The following NTRK2 variants were observed in gnomAD, a reference collection of about 807,000 sequenced individuals.
NTRK2 encodes the protein neurotrophic receptor tyrosine kinase 2, also known as BDNF/NT-3 growth factors receptor.
NTRK2 carries 13 observed loss-of-function variants against 94.5 expected under a neutral mutation model. The ratio of observed to expected loss-of-function variants is 0.14; its 90% confidence interval spans 0.09 to 0.22. The LOEUF is 0.22. Ranked by LOEUF, NTRK2 falls within the 10% of genes least tolerant of loss-of-function variation. The probability of loss-of-function intolerance (pLI) is 1.00; values close to 1 mark genes in which losing one functional copy is unlikely to be tolerated. For synonymous variants in NTRK2, 372 were observed against 407.4 expected, an observed-to-expected ratio of 0.91 and a Z score of 1.05; for missense variants, 639 against 1,071.2, an observed-to-expected ratio of 0.60 and a Z score of 5.63.
At chr9:84,904,323 T>C (rs1401638916) in intron 14 of NTRK2, among the ~76,000 whole-genome samples, 1 of 152,238 alleles carries the variant, frequency 6.6e-6, no homozygotes, top group Admixed American at 6.5e-5. Context: ...TGAATTTTAA[T>C]AAGGCAAGTT....
intron 12 of NTRK2, among the ~76,000 whole-genome samples, chr9:84,856,006 G>A (rs1476239101): frequency 3.3e-5 from 5 of 152,292 alleles, no homozygotes; most frequent in East Asian, 1.9e-4. Context: ...GGGAAATATC[G>A]TGTAGCTATT....
intron 17 of NTRK2, among the ~76,000 whole-genome samples, chr9:84,995,069 T>C (rs1829575612): frequency 6.6e-6 from 1 of 152,184 alleles, no homozygotes; most frequent in African/African-American, 2.4e-5. Context: ...GAACTAAAAA[T>C]TCCATGTGAG....
chr9:84,785,982 C>T (rs1234750458), intron 12 of NTRK2, among the ~76,000 whole-genome samples: 2 of 152,170 alleles, frequency 1.3e-5, no homozygotes, highest in Non-Finnish European at 2.9e-5. Flanking sequence ...GAATTTATTG[C>T]AACCTCAGTG....
intron 17 of NTRK2, among the ~76,000 whole-genome samples, chr9:85,010,156 C>G (rs145446740): frequency 6.6e-6 from 1 of 152,316 alleles, no homozygotes; most frequent in East Asian, 1.9e-4. Flanking sequence ...TTTTCTGGCT[C>G]TGTTTACAAA....
intron 14 of NTRK2, among the ~76,000 whole-genome samples, chr9:84,923,284 G>T (rs1308938629): frequency 2.6e-5 from 4 of 152,162 alleles, no homozygotes; most frequent in Non-Finnish European, 4.4e-5. Flanking sequence ...TGGCCCCAAT[G>T]ACTCCATGGA....
chr9:84,774,884 A>T (rs1469100648), intron 12 of NTRK2, among the ~76,000 whole-genome samples: 1 of 152,188 alleles, frequency 6.6e-6, no homozygotes, highest in African/African-American at 2.4e-5. Flanking sequence ...GGATGAAGAG[A>T]GAGAGGTTAG....
chr9:85,020,104 A>C (rs907649686), intron 17 of NTRK2, 102 bp from the exon 18 acceptor site: 7 of 1,244,348 alleles, frequency 5.6e-6, no homozygotes, highest in Non-Finnish European at 7.1e-6. Flanking sequence ...AATTAAAACT[A>C]TAAAGTGCAA....
chr9:84,901,276 G>A (rs1269878676), intron 14 of NTRK2, among the ~76,000 whole-genome samples: 1 of 148,618 alleles, frequency 6.7e-6, no homozygotes, highest in Admixed American at 6.8e-5. Flanking sequence ...AGACTGAAGT[G>A]CAGTGGTGTG....
intron 17 of NTRK2, among the ~76,000 whole-genome samples, chr9:84,980,332 G>T (rs1827429368): frequency 6.6e-6 from 1 of 152,152 alleles, no homozygotes; most frequent in African/African-American, 2.4e-5. Context: ...GAGCATGATT[G>T]TATGTGGGAC....
intron 14 of NTRK2, among the ~76,000 whole-genome samples, chr9:84,926,600 C>G (rs1262439757): frequency 6.6e-6 from 1 of 152,176 alleles, no homozygotes; most frequent in Non-Finnish European, 1.5e-5. Flanking sequence ...ATAAATCACT[C>G]TTTCCTAAAT....
At chr9:84,868,931 C>T (rs2075716582) in intron 14 of NTRK2, among the ~76,000 whole-genome samples, 1 of 152,120 alleles carries the variant, frequency 6.6e-6, no homozygotes, top group Non-Finnish European at 1.5e-5. Flanking sequence ...ATAATTGAGG[C>T]TGATAAAATC....
intron 14 of NTRK2, among the ~76,000 whole-genome samples, chr9:84,904,300 T>A (rs532467959): frequency 7.5e-4 from 114 of 152,310 alleles, no homozygotes; most frequent in African/African-American, 2.7e-3. Flanking sequence ...TTTTTAATCT[T>A]TATAAATACC....
rs923286048 is a variant in NTRK2 at position 84,669,991 on chromosome 9, G to C, written c.-373+103G>C. On this transcript the variant is annotated intron_variant, in intron 1 of 18. Coordinates refer to ENST00000277120, the MANE Select transcript of NTRK2 (RefSeq NM_006180.6). The surrounding 1 kb of genome is among the most constrained non-coding windows in gnomAD (Gnocchi z 4.1). ...GTGGGACGTGCCGCGCCACCTGCCC[G>C]CGCCACCGGCACCCAGCGGCCGTGG... 6.5e-6 allele frequency: 1 copy of C among 154,614 alleles called. No homozygotes were observed. The highest frequency in any genetic ancestry group is 1.4e-5 in the Non-Finnish European group (1 of 69,404). The allele number at this position is 154,614 out of a possible 1,614,324, so 9.6% of individuals were successfully genotyped here. A position where few individuals can be genotyped will look rare whatever the true frequency, so the allele number is the denominator to read the frequency against.
intron 14 of NTRK2, among the ~76,000 whole-genome samples, chr9:84,879,835 T>C (rs1024856712): frequency 1.3e-5 from 2 of 152,150 alleles, no homozygotes; most frequent in Admixed American, 1.3e-4. Context: ...CCTTTGGATC[T>C]GAAGGGTGAG....
At chr9:84,735,399 C>T (rs776508878) in intron 9 of NTRK2, among the ~76,000 whole-genome samples, 16 of 152,164 alleles carry the variant, frequency 1.1e-4, no homozygotes, top group Non-Finnish European at 1.9e-4. Context: ...ACAAGCTCCC[C>T]GATGATGCCA....
At chr9:84,891,167 C>T (rs1316945368) in intron 14 of NTRK2, among the ~76,000 whole-genome samples, 2 of 151,990 alleles carry the variant, frequency 1.3e-5, no homozygotes, top group Non-Finnish European at 2.9e-5. Context: ...GAATTGTCAG[C>T]CAAGGGCCCC....
intron 12 of NTRK2, among the ~76,000 whole-genome samples, chr9:84,858,357 T>A (rs1482787709): frequency 2.0e-5 from 3 of 152,174 alleles, no homozygotes; most frequent in Non-Finnish European, 2.9e-5. Context: ...TTGTTGTTTT[T>A]TTGCCTAACT....
chr9:84,886,782 G>C (rs2076428228), intron 14 of NTRK2, among the ~76,000 whole-genome samples: 1 of 150,766 alleles, frequency 6.6e-6, no homozygotes, highest in African/African-American at 2.4e-5. Context: ...ATTTTGCTTA[G>C]CTTGTGTTTT....
At chr9:84,865,837 G>A (rs1238501303) in intron 13 of NTRK2, among the ~76,000 whole-genome samples, 2 of 152,166 alleles carry the variant, frequency 1.3e-5, no homozygotes, top group Non-Finnish European at 2.9e-5. Context: ...CATATCTTGT[G>A]CACCTCCCAC....
Sources: allele counts gnomAD v4.1 joint callset (sites outside exome capture counted in the v4.1 genomes callset), GRCh38; gene constraint gnomAD v4.1.1; non-coding constraint Gnocchi (gnomAD v3.1); transcripts MANE v1.5; gene names NCBI Gene and HGNC (gene_info 2026-07-23, HGNC 2026-07-21).